Variants in FRMD3 observed in about 807,000 individuals in gnomAD.
The protein encoded by FRMD3 is FERM domain-containing protein 3.
In FRMD3, 33 loss-of-function variants were observed where a neutral mutation model predicts 70.2. That is an observed-to-expected ratio of 0.47 (90% CI 0.36 to 0.63). The LOEUF (loss-of-function observed/expected upper bound fraction) is 0.63, where lower values mean the gene tolerates loss of function less well. Among genes scored for constraint, FRMD3 ranks in the 20% least tolerant of loss-of-function variants. The probability of loss-of-function intolerance (pLI) is 0.00; values close to 1 mark genes in which losing one functional copy is unlikely to be tolerated. For synonymous variants in FRMD3, 279 were observed against 255.9 expected (o/e 1.09, Z -0.86); for missense variants, 632 against 711.4 (o/e 0.89, Z 1.27).
intron 5 of FRMD3, 27 bp from the exon 6 acceptor site, chr9:83,335,666 CAG>C (rs749901566): frequency 6.2e-7 from 1 of 1,601,890 alleles, no homozygotes. Flanking sequence ...AATAAAGAGA[CAG>C]AGAAAGATTA....
At chr9:83,288,313 T>G (rs1018446333) in intron 13 of FRMD3, among the ~76,000 whole-genome samples, 9 of 152,212 alleles carry the variant, frequency 5.9e-5, no homozygotes, top group Non-Finnish European at 1.3e-4. Flanking sequence ...AGAGGTACAA[T>G]GGTATCCAGA....
At chr9:83,318,957 T>C (rs1835693235) in intron 6 of FRMD3, among the ~76,000 whole-genome samples, 1 of 152,088 alleles carries the variant, frequency 6.6e-6, no homozygotes, top group African/African-American at 2.4e-5. Context: ...TTTTGAAAAA[T>C]GGCCTTCAAT....
At chr9:83,367,442 C>A (rs1218846966) in intron 3 of FRMD3, among the ~76,000 whole-genome samples, 2 of 152,184 alleles carry the variant, frequency 1.3e-5, no homozygotes, top group Non-Finnish European at 2.9e-5. Context: ...CATGCAGCAA[C>A]TATTTAAGGA....
rs575390206 is a variant in FRMD3, at chr9:83,443,506, C to A, written c.148-53798G>T. Reference sequence around the variant, plus strand: ...TATGGCTGCATAGCATTCCATGGTGCATATGTGCCATATTTTCTTAATCCA... The same window carrying A: ...TATGGCTGCATAGCATTCCATGGTGAATATGTGCCATATTTTCTTAATCCA... On this transcript the variant is annotated intron_variant, in intron 1 of 13. Coordinates refer to ENST00000304195, the MANE Select transcript of FRMD3 (RefSeq NM_174938.6). 2.0e-5 allele frequency among the ~76,000 whole-genome samples: 3 copies of A among 152,302 alleles called. No individual in the cohort carries two copies. In the South Asian group the frequency reaches 6.2e-4, roughly 32 times the overall value.
intron 1 of FRMD3, among the ~76,000 whole-genome samples, chr9:83,488,976 GTGTGTGTGTGTGTGTGTGTGTGTGTGT>G: frequency 1.1e-5 from 1 of 88,346 alleles, no homozygotes; most frequent in African/African-American, 4.3e-5. Context: ...ATACCTTTGT[GTGTGTGTGTGTGTGTGTGTGTGTGTGT>G]GTGTGTGTGT....
At chr9:83,528,386 T>C (rs1484373097) in intron 1 of FRMD3, among the ~76,000 whole-genome samples, 1 of 152,204 alleles carries the variant, frequency 6.6e-6, no homozygotes, top group Non-Finnish European at 1.5e-5. Flanking sequence ...GCAGTGTTTT[T>C]TATTTAATTG....
At chr9:83,572,131 ATGG>A in the FRMD3 span, among the ~76,000 whole-genome samples, 1 of 150,746 alleles carries the variant, frequency 6.6e-6, no homozygotes, top group East Asian at 1.9e-4. Context: ...CAATAGATAG[ATGG>A]TGAAGTTTTT....
At chr9:83,281,975 T>C (rs776887445) in intron 13 of FRMD3, among the ~76,000 whole-genome samples, 19 of 152,262 alleles carry the variant, frequency 1.2e-4, no homozygotes, top group Non-Finnish European at 2.6e-4. Flanking sequence ...TTTTGATCAT[T>C]CATTTGCTAT....
At chr9:83,260,619 C>G (rs372808706) in intron 13 of FRMD3, among the ~76,000 whole-genome samples, 1 of 152,140 alleles carries the variant, frequency 6.6e-6, no homozygotes, top group Admixed American at 6.5e-5. Context: ...TATAAGTAAG[C>G]TCTCCTGTGA....
chr9:83,416,745 G>GTCTGTCTCTCTC (rs1826454857), intron 1 of FRMD3, among the ~76,000 whole-genome samples: 19 of 102,288 alleles, frequency 1.9e-4, no homozygotes, highest in Non-Finnish European at 3.5e-4. Flanking sequence ...ATTTCTCTCT[G>GTCTGTCTCTCTC]TCTCTCTCTC....
At chr9:83,347,881 A>G (rs752961429) in intron 4 of FRMD3, among the ~76,000 whole-genome samples, 5 of 152,202 alleles carry the variant, frequency 3.3e-5, no homozygotes, top group African/African-American at 4.8e-5. Flanking sequence ...CTACTTGTAT[A>G]AGGGCAGTGG....
intron 1 of FRMD3, among the ~76,000 whole-genome samples, chr9:83,505,990 C>G (rs1331302699): frequency 6.6e-6 from 1 of 152,146 alleles, no homozygotes; most frequent in East Asian, 1.9e-4. Context: ...CCAACAAGAA[C>G]TTGTGCAAAC....
Position 83,290,594 on chromosome 9 carries a change from C to T in FRMD3, c.1195+9G>A. 1.2e-6 allele frequency: 2 copies of T among 1,613,956 alleles called. No homozygotes were observed. Among genetic ancestry groups the T allele is most frequent in the Non-Finnish European group, 1.7e-6 (2 of 1,179,934 alleles). ...AGCACCAGCATTTGGGATGAAGAGA[C>T]AGACTTACCCTCACCCAGAGGAAGT... is the stretch of plus-strand genomic sequence containing the variant. On this transcript the variant is annotated intron_variant, in intron 13 of 13. Coordinates refer to ENST00000304195, the MANE Select transcript of FRMD3 (RefSeq NM_174938.6).
chr9:83,264,089 C>T (rs1833117142), intron 13 of FRMD3, among the ~76,000 whole-genome samples: 1 of 152,124 alleles, frequency 6.6e-6, no homozygotes, highest in South Asian at 2.1e-4. Context: ...TAATCAAAAA[C>T]TTCTGGAAAA....
At chr9:83,299,592 C>T (rs1299896975) in intron 10 of FRMD3, among the ~76,000 whole-genome samples, 2 of 152,200 alleles carry the variant, frequency 1.3e-5, no homozygotes, top group Non-Finnish European at 2.9e-5. Flanking sequence ...GGGCACTTTG[C>T]TGCCTATTCC....
intron 1 of FRMD3, among the ~76,000 whole-genome samples, chr9:83,494,057 T>C (rs191155303): frequency 6.6e-6 from 1 of 152,266 alleles, no homozygotes; most frequent in African/African-American, 2.4e-5. Flanking sequence ...AAAAACCAAA[T>C]AGCCACTATC....
chr9:83,393,779 T>C (rs1246764632), intron 1 of FRMD3, among the ~76,000 whole-genome samples: 2 of 152,184 alleles, frequency 1.3e-5, no homozygotes, highest in Non-Finnish European at 2.9e-5. Context: ...GGGGAGCAGC[T>C]GTAAATACAG....
intron 5 of FRMD3, among the ~76,000 whole-genome samples, chr9:83,339,082 C>A (rs938896782): frequency 6.6e-6 from 1 of 152,116 alleles, no homozygotes; most frequent in Non-Finnish European, 1.5e-5. Flanking sequence ...TGAGGGAGGG[C>A]ATCGTTTTTC....
the FRMD3 span, among the ~76,000 whole-genome samples, chr9:83,576,516 G>A: frequency 6.6e-6 from 1 of 152,072 alleles, no homozygotes; most frequent in Non-Finnish European, 1.5e-5. Context: ...CATGGTGTTT[G>A]TTGTACATAT....
Sources: allele counts gnomAD v4.1 joint callset (sites outside exome capture counted in the v4.1 genomes callset), GRCh38; gene constraint gnomAD v4.1.1; transcripts MANE v1.5; gene names NCBI Gene and HGNC (gene_info 2026-07-23, HGNC 2026-07-21).